Variants in MRGPRX3 observed in about 807,000 individuals in gnomAD.
MRGPRX3 encodes the protein mas-related G protein-coupled receptor member X3.
Under a neutral mutation model 16.5 loss-of-function variants are expected in MRGPRX3, and 14 were observed. The ratio of observed to expected loss-of-function variants is 0.85; its 90% CI spans 0.56 to 1.33. The LOEUF is 1.33. Ranked by LOEUF, MRGPRX3 falls within the 40% of genes most tolerant of loss-of-function variation. The pLI is 0.00. For synonymous variants in MRGPRX3, 199 were observed against 180.1 expected (o/e 1.10, Z -0.84); for missense variants, 449 against 413.0 (o/e 1.09, Z -0.76).
At chr11:18,129,123 A>G (rs1239119778), upstream of MRGPRX3, among the ~76,000 whole-genome samples, 1 of 152,238 alleles carries the variant, frequency 6.6e-6, no homozygotes, top group African/African-American at 2.4e-5. Context: ...CTGAAGTCAC[A>G]TCTCAAGGAA....
At chr11:18,124,261 T>C (rs1183311118) in intron 1 of MRGPRX3, among the ~76,000 whole-genome samples, 1 of 152,226 alleles carries the variant, frequency 6.6e-6, no homozygotes, top group Non-Finnish European at 1.5e-5. Flanking sequence ...ATCCCTGTCT[T>C]GTGCCAGTTT....
chr11:18,121,625 A>G (rs1848837861), intron 1 of MRGPRX3, among the ~76,000 whole-genome samples: 1 of 152,230 alleles, frequency 6.6e-6, no homozygotes, highest in Non-Finnish European at 1.5e-5. Context: ...AGAAGTAGAC[A>G]TGGGAGACTT....
chr11:18,132,825 A>C (rs1316470390), intron 1 of MRGPRX3, 86 bp downstream of exon 1: 4 of 152,244 alleles, frequency 2.6e-5, no homozygotes, highest in African/African-American at 9.6e-5. Flanking sequence ...TTGGTGCTAC[A>C]TGCAGGGGGT....
chr11:18,132,851 G>A (rs1269573309), intron 1 of MRGPRX3, 112 bp downstream of exon 1: 1 of 152,180 alleles, frequency 6.6e-6, no homozygotes, highest in African/African-American at 2.4e-5. Context: ...GCTTGTTTCA[G>A]GAAAAGACAG....
At chr11:18,124,232 A>G (rs549420189) in intron 1 of MRGPRX3, among the ~76,000 whole-genome samples, 2 of 152,310 alleles carry the variant, frequency 1.3e-5, no homozygotes, top group South Asian at 4.1e-4. Context: ...TATGTTGAAT[A>G]GGAGTGGTGA....
upstream of MRGPRX3, chr11:18,132,508 T>C (rs1304974670): frequency 6.6e-6 from 1 of 152,178 alleles, no homozygotes; most frequent in Non-Finnish European, 1.5e-5. Context: ...AGGATTTGTG[T>C]CTCAAATACC....
chr11:18,130,016 G>A (rs2134082441), upstream of MRGPRX3, among the ~76,000 whole-genome samples: 1 of 152,250 alleles, frequency 6.6e-6, no homozygotes, highest in African/African-American at 2.4e-5. Flanking sequence ...AATCGACATA[G>A]AAAGGACATA....
At chr11:18,135,802 G>A (rs1344332377) in intron 1 of MRGPRX3, among the ~76,000 whole-genome samples, 2 of 152,020 alleles carry the variant, frequency 1.3e-5, no homozygotes, top group African/African-American at 4.8e-5. Flanking sequence ...GTGAAAAAAT[G>A]GATCATGAGT....
chr11:18,121,973 G>C (rs559926447), intron 1 of MRGPRX3, among the ~76,000 whole-genome samples: 232 of 138,250 alleles, frequency 1.7e-3, no homozygotes, highest in African/African-American at 5.8e-3. Flanking sequence ...CCCTCTCTGT[G>C]AGAAACACCC....
rs1849022097 is a variant in MRGPRX3, at chr11:18,137,535, C to T, written c.333C>T (p.Ser111=). 1.9e-6 allele frequency: 3 copies of T among 1,614,162 alleles called. No individual in the cohort carries two copies. The highest frequency in any genetic ancestry group is 2.2e-5 in the East Asian group (1 of 44,876). ...VMTFPYFIGL[S]MLSAISTERC... Reference sequence around the variant, plus strand: ...CCTTTCCCTACTTTATAGGCCTAAGCATGCTGAGCGCCATCAGCACCGAGC... The same window carrying T: ...CCTTTCCCTACTTTATAGGCCTAAGTATGCTGAGCGCCATCAGCACCGAGC... Residue 111 remains serine (S), a synonymous_variant, in exon 2 of 2, where the codon AGC becomes AGT. Transcript: ENST00000621697.
intron 1 of MRGPRX3, among the ~76,000 whole-genome samples, chr11:18,134,290 T>C (rs1359943969): frequency 6.6e-6 from 1 of 152,214 alleles, no homozygotes; most frequent in Admixed American, 6.5e-5. Context: ...TCTGGGTCAC[T>C]AGGTTCTGAA....
intron 1 of MRGPRX3, among the ~76,000 whole-genome samples, chr11:18,123,759 A>G (rs1848863325): frequency 2.0e-5 from 3 of 152,268 alleles, no homozygotes; most frequent in Middle Eastern, 3.4e-3. Flanking sequence ...ATGGCATTGA[A>G]TCTATAAATT....
intron 1 of MRGPRX3, among the ~76,000 whole-genome samples, chr11:18,124,859 T>G (rs1265005073): frequency 6.6e-6 from 1 of 152,256 alleles, no homozygotes; most frequent in Admixed American, 6.5e-5. Flanking sequence ...ATTACCTCAA[T>G]TTCAGAGCCT....
chr11:18,136,953 G>GT (rs1472656016), intron 1 of MRGPRX3, among the ~76,000 whole-genome samples: 1 of 152,150 alleles, frequency 6.6e-6, no homozygotes, highest in Non-Finnish European at 1.5e-5. Flanking sequence ...TTATCCCCAT[G>GT]TCAGCACAGA....
chr11:18,133,450 G>A (rs1848981170), intron 1 of MRGPRX3, among the ~76,000 whole-genome samples: 1 of 152,234 alleles, frequency 6.6e-6, no homozygotes, highest in African/African-American at 2.4e-5. Flanking sequence ...AATGTTGGAG[G>A]AAGGGCCTTG....
intron 1 of MRGPRX3, among the ~76,000 whole-genome samples, chr11:18,124,905 G>A (rs1000034070): frequency 5.3e-5 from 8 of 152,192 alleles, no homozygotes; most frequent in Admixed American, 3.3e-4. Context: ...CTTCTTCTTC[G>A]TTTAGTCTTG....
rs779183291 is a variant in MRGPRX3 at position 18,137,941 on chromosome 11, A to C, written c.739A>C (p.Lys247Gln). The change falls in exon 2 of 2, where the codon AAA becomes CAA. Residue 247 changes from lysine (K) to glutamine (Q), a missense_variant. Coordinates refer to ENST00000621697, the MANE Select transcript of MRGPRX3 (RefSeq NM_001370464.1). Reference sequence around the variant, plus strand: ...GTTTTCCAGGATCCACCTGGATTGGAAAGTCTTATTTTGTCATGTGCATCT... The same window carrying C: ...GTTTTCCAGGATCCACCTGGATTGGCAAGTCTTATTTTGTCATGTGCATCT... ...ALFSRIHLDW[K>Q]VLFCHVHLVS... The C allele has an allele frequency of 6.2e-7, 1 of 1,614,040 alleles. No individual in the cohort carries two copies. Among genetic ancestry groups the C allele is most frequent in the Admixed American group, 1.7e-5 (1 of 60,014 alleles).
chr11:18,127,677 CT>C (rs935433582), upstream of MRGPRX3, among the ~76,000 whole-genome samples: 7 of 141,800 alleles, frequency 4.9e-5, no homozygotes, highest in African/African-American at 1.9e-4. Flanking sequence ...TTCATCTAAT[CT>C]TTTTTCAAGG....
In MRGPRX3 at chr11:18,137,246, T is replaced by C. The variant is rs1564881925; in HGVS notation, c.44T>C (p.Ile15Thr). ...IPVLGTELTP[I>T]NGREETPCYK... is the part of the protein sequence containing the mutation. ...GTCTTGGGTACAGAACTGACACCAA[T>C]CAACGGACGTGAGGAGACTCCTTGC... The change falls in exon 2 of 2, where the codon ATC (isoleucine) becomes ACC (threonine). Residue 15 changes from isoleucine (I) to threonine (T), a missense_variant. Coordinates refer to ENST00000621697, the MANE Select transcript of MRGPRX3 (RefSeq NM_001370464.1). 4 of 1,612,880 alleles carry C rather than the reference T, an allele frequency of 2.5e-6. No homozygotes were observed. Among genetic ancestry groups the C allele is most frequent in the Non-Finnish European group, 3.4e-6 (4 of 1,179,294 alleles).
Sources: allele counts gnomAD v4.1 joint callset (sites outside exome capture counted in the v4.1 genomes callset), GRCh38; gene constraint gnomAD v4.1.1; transcripts MANE v1.5; gene names NCBI Gene and HGNC (gene_info 2026-07-23, HGNC 2026-07-21).